Variants in GRIK2 observed in about 807,000 individuals in gnomAD.
GRIK2 encodes glutamate ionotropic receptor kainate type subunit 2.
A neutral mutation model predicts 100.3 loss-of-function variants in GRIK2; 32 were observed. The observed-to-expected ratio is 0.32, with a 90% CI of 0.24 to 0.43. The LOEUF (loss-of-function observed/expected upper bound fraction) is 0.43, where lower values mean the gene tolerates loss of function less well. Ranked by LOEUF, GRIK2 falls within the 20% of genes least tolerant of loss-of-function variation. The probability of loss-of-function intolerance (pLI) is 1.00; values close to 1 mark genes in which losing one functional copy is unlikely to be tolerated. For synonymous variants in GRIK2, 417 were observed against 389.4 expected (o/e 1.07, Z -0.83); for missense variants, 843 against 1,114.9 (o/e 0.76, Z 3.47).
chr6:101,958,282 T>TGTGTGTGTGG (rs1562511065), intron 14 of GRIK2, among the ~76,000 whole-genome samples: 3 of 151,478 alleles, frequency 2.0e-5, no homozygotes, highest in East Asian at 1.9e-4. Context: ...TGTGTGTGTG[T>TGTGTGTGTGG]GGGTCCATTG....
intron 7 of GRIK2, among the ~76,000 whole-genome samples, chr6:101,760,688 A>ATGTT (rs1346649374): frequency 1.4e-5 from 1 of 70,326 alleles, no homozygotes; most frequent in Non-Finnish European, 2.2e-5. Flanking sequence ...ATTTAATTAT[A>ATGTT]TATAATTATA....
chr6:101,788,496 G>T (rs1779593156), intron 7 of GRIK2, among the ~76,000 whole-genome samples: 1 of 152,176 alleles, frequency 6.6e-6, no homozygotes, highest in East Asian at 1.9e-4. Context: ...TACTGAGAGT[G>T]ATGATTTCCA....
At chr6:101,578,484 G>T (rs1159893624) in intron 2 of GRIK2, among the ~76,000 whole-genome samples, 3 of 152,150 alleles carry the variant, frequency 2.0e-5, no homozygotes, top group African/African-American at 7.2e-5. Context: ...ATGTGTGCTG[G>T]TGCCAAGAGA....
chr6:101,525,118 G>A (rs1582641526), intron 2 of GRIK2, among the ~76,000 whole-genome samples: 1 of 152,258 alleles, frequency 6.6e-6, no homozygotes, highest in East Asian at 1.9e-4. Context: ...CCAAATTATT[G>A]ATAGGCTTTT....
At chr6:102,060,835 C>A (rs1771712827) in intron 16 of GRIK2, among the ~76,000 whole-genome samples, 1 of 150,454 alleles carries the variant, frequency 6.6e-6, no homozygotes, top group Admixed American at 6.7e-5. Context: ...TATCATATTA[C>A]TTTTTCTTAA....
intron 7 of GRIK2, among the ~76,000 whole-genome samples, chr6:101,766,158 G>A (rs1778032806): frequency 5.3e-5 from 8 of 151,836 alleles, no homozygotes; most frequent in Admixed American, 5.2e-4. Context: ...GAACATATTT[G>A]CCTGATATAT....
chr6:101,779,871 C>G (rs1035517476), intron 7 of GRIK2, among the ~76,000 whole-genome samples: 1 of 151,276 alleles, frequency 6.6e-6, no homozygotes, highest in African/African-American at 2.5e-5. Context: ...AGATAAATCT[C>G]TCTCTCTATA....
At chr6:101,652,438 T>C (rs1428821805) in intron 4 of GRIK2, among the ~76,000 whole-genome samples, 2 of 152,124 alleles carry the variant, frequency 1.3e-5, no homozygotes, top group Non-Finnish European at 2.9e-5. Flanking sequence ...TCTAGAACTG[T>C]AGGAAATATC....
intron 2 of GRIK2, among the ~76,000 whole-genome samples, chr6:101,560,167 G>C (rs1466318390): frequency 1.3e-5 from 2 of 152,086 alleles, no homozygotes; most frequent in Non-Finnish European, 2.9e-5. Context: ...TTGTGGAAGA[G>C]CATCACTCGC....
intron 4 of GRIK2, among the ~76,000 whole-genome samples, chr6:101,667,019 T>G (rs1770081296): frequency 6.6e-6 from 1 of 152,186 alleles, no homozygotes. Flanking sequence ...AACTAAAGTT[T>G]AAAACATTTA....
chr6:101,542,737 A>AT (rs1776063316), intron 2 of GRIK2, among the ~76,000 whole-genome samples: 1 of 152,118 alleles, frequency 6.6e-6, no homozygotes, highest in African/African-American at 2.4e-5. Flanking sequence ...TGAGCGTGTA[A>AT]GTGATGTCAC....
At chr6:101,440,770 G>A (rs1769999193) in intron 2 of GRIK2, among the ~76,000 whole-genome samples, 1 of 152,002 alleles carries the variant, frequency 6.6e-6, no homozygotes, top group Admixed American at 6.6e-5. Context: ...GTTTAAAGCA[G>A]CTCAAAGTTT....
chr6:101,975,777 A>ATCTG (rs1185037083), intron 14 of GRIK2, among the ~76,000 whole-genome samples: 101 of 141,384 alleles, frequency 7.1e-4, no homozygotes, highest in African/African-American at 2.1e-3. Flanking sequence ...CTATGTGTCT[A>ATCTG]TCTGTCTGTC....
intron 12 of GRIK2, among the ~76,000 whole-genome samples, chr6:101,923,075 T>C (rs778455065): frequency 1.6e-4 from 24 of 152,162 alleles, no homozygotes; most frequent in Non-Finnish European, 2.4e-4. Context: ...ACTTTTTTGT[T>C]TGTCAAGGAT....
At chr6:101,739,936 C>T (rs1033001985) in intron 7 of GRIK2, among the ~76,000 whole-genome samples, 3 of 152,100 alleles carry the variant, frequency 2.0e-5, no homozygotes, top group Admixed American at 2.0e-4. Context: ...GATCATCCCC[C>T]ACCCTCAAAG....
chr6:101,914,598 T>A (rs1310404914), intron 12 of GRIK2, among the ~76,000 whole-genome samples: 4 of 151,420 alleles, frequency 2.6e-5, no homozygotes, highest in Non-Finnish European at 5.9e-5. Context: ...GTGAGTCGTA[T>A]TACTGATCCT....
chr6:101,794,502 G>T (rs546708885), intron 7 of GRIK2, among the ~76,000 whole-genome samples: 3 of 151,948 alleles, frequency 2.0e-5, no homozygotes, highest in African/African-American at 7.3e-5. Flanking sequence ...TTTGTATATC[G>T]TTTGTTCCCT....
At chr6:101,571,947 A>T (rs1180226965) in intron 2 of GRIK2, among the ~76,000 whole-genome samples, 1 of 152,160 alleles carries the variant, frequency 6.6e-6, no homozygotes, top group Admixed American at 6.6e-5. Flanking sequence ...AACAGAAAAA[A>T]GGTGGAAGAT....
chr6:101,938,467 C>T (rs1934669), intron 14 of GRIK2, among the ~76,000 whole-genome samples: 5,205 of 152,142 alleles, frequency 0.034, 318 homozygotes, highest in African/African-American at 0.12. Context: ...AAAAATACTG[C>T]TTTAAGAAAT....
Sources: allele counts gnomAD v4.1 joint callset (sites outside exome capture counted in the v4.1 genomes callset), GRCh38; gene constraint gnomAD v4.1.1; transcripts MANE v1.5; gene names NCBI Gene and HGNC (gene_info 2026-07-23, HGNC 2026-07-21).